Variants in GRM4 observed in about 807,000 individuals in gnomAD.
The protein encoded by GRM4 is metabotropic glutamate receptor 4.
In GRM4, 28 loss-of-function variants were observed where a neutral mutation model predicts 81.7. The ratio of observed to expected loss-of-function variants is 0.34; its 90% CI spans 0.25 to 0.47. The LOEUF (loss-of-function observed/expected upper bound fraction) is 0.47. Ranked by LOEUF, GRM4 falls within the 20% of genes least tolerant of loss-of-function variation. GRM4 has a pLI of 1.00. For missense variants in GRM4, 948 were observed against 1,290.0 expected (o/e 0.73, Z 4.06); for synonymous variants, 488 against 528.8 (o/e 0.92, Z 1.06).
At chr6:34,027,525 C>A (rs1029515413) in intron 10 of GRM4, among the ~76,000 whole-genome samples, 16 of 152,210 alleles carry the variant, frequency 1.1e-4, no homozygotes, top group Admixed American at 7.2e-4. Context: ...CCTCACCCTG[C>A]CCTCACTCAC....
chr6:34,080,857 C>T lies in GRM4; in HGVS notation c.736+11026G>A, dbSNP rs7747709. ...ACACACACACACACATACACACACA[C>T]ATACACATACATATACACACACACA... On this transcript the variant is annotated intron_variant, in intron 3 of 10. Coordinates refer to ENST00000538487, the MANE Select transcript of GRM4 (RefSeq NM_000841.4). This position sits in a 1 kb window ranked among gnomAD's most constrained non-coding sequence, Gnocchi z 5.4. Among the ~76,000 whole-genome samples, 71 of 91,274 alleles carry T rather than the reference C, an allele frequency of 7.8e-4. No individual in the cohort carries two copies. The highest frequency in any genetic ancestry group is 6.5e-3 in the South Asian group (17 of 2,598). 59.9% of individuals were successfully genotyped at this position (91,274 alleles called of 152,430 possible).
chr6:34,154,894 C>A (rs1771116485), intron 1 of GRM4, among the ~76,000 whole-genome samples: 2 of 152,222 alleles, frequency 1.3e-5, no homozygotes, highest in South Asian at 4.1e-4. Flanking sequence ...TAGCGCCCCA[C>A]CAGCCAGGCT....
At position 34,089,386 on chromosome 6, in the gene GRM4, CT is replaced by C. The variant is rs1768080356; in HGVS notation, c.736+2496del. Among the ~76,000 whole-genome samples the C allele has an allele frequency of 6.6e-6, 1 of 151,842 alleles. No individual in the cohort carries two copies. The highest frequency in any genetic ancestry group is 2.1e-4 in the South Asian group (1 of 4,802). The stretch of plus-strand genomic sequence containing the variant: ...CTGAAGTGCAGCTCTCTCTCTCTCT[CT>C]TCCTTTCTTTTCACCCACTAAAAGA... On this transcript the variant is annotated intron_variant, in intron 3 of 10. Coordinates refer to ENST00000538487, the MANE Select transcript of GRM4 (RefSeq NM_000841.4). The surrounding 1 kb of genome is among the most constrained non-coding windows in gnomAD (Gnocchi z 4.3).
chr6:34,029,862 C>T (rs144445356), intron 9 of GRM4, among the ~76,000 whole-genome samples: 1,539 of 152,312 alleles, frequency 0.01, 13 homozygotes, highest in South Asian at 0.016. Context: ...TCCAGGCTGG[C>T]GTGGCCCAGG....
intron 9 of GRM4, among the ~76,000 whole-genome samples, chr6:34,032,412 G>A (rs1764481942): frequency 6.6e-6 from 1 of 152,220 alleles, no homozygotes. Flanking sequence ...TTGCACTGGG[G>A]CATCTTGCAG....
At chr6:34,062,338 C>A in intron 3 of GRM4, 1 of 296,812 alleles carries the variant, frequency 3.4e-6, no homozygotes. Context: ...GGGTTCAAAT[C>A]TCAGCTCTGC....
At chr6:34,040,103 C>G in intron 8 of GRM4, 75 bp downstream of exon 8, 3 of 1,436,708 alleles carry the variant, frequency 2.1e-6, no homozygotes, top group Non-Finnish European at 2.9e-6. Flanking sequence ...CAGCAGCAGC[C>G]TCCCCTTGGG....
Position 34,133,390 on chromosome 6 carries a change from C to T in GRM4, c.107G>A (p.Gly36Asp). The stretch of plus-strand genomic sequence containing the variant: ...GCGGATGGAATTCATGTGAGGGTGG[C>T]CTTTGGGCTTTCCCAGGGAGGAAGG... Reference protein sequence around the residue: ...WMPSSLGKPKGHPHMNSIRID... With the variant: ...WMPSSLGKPKDHPHMNSIRID... Residue 36 changes from glycine (G) to aspartate (D), a missense_variant, in exon 2 of 11, where the codon GGC becomes GAC. Coordinates refer to ENST00000538487, the MANE Select transcript of GRM4 (RefSeq NM_000841.4). The surrounding 1 kb of genome is among the most constrained non-coding windows in gnomAD (Gnocchi z 6.5). 6.2e-7 allele frequency: 1 copy of T among 1,613,744 alleles called. No homozygotes were observed. Among genetic ancestry groups the T allele is most frequent in the Non-Finnish European group, 8.5e-7 (1 of 1,179,908 alleles).
chr6:34,139,866 G>A (rs1025458964), intron 1 of GRM4, among the ~76,000 whole-genome samples: 1 of 152,202 alleles, frequency 6.6e-6, no homozygotes, highest in Admixed American at 6.5e-5. Context: ...GTCCCTCGGT[G>A]TGACATTCAA....
intron 5 of GRM4, 46 bp downstream of exon 5, chr6:34,058,928 G>A (rs775283278): frequency 6.7e-7 from 1 of 1,499,134 alleles, no homozygotes; most frequent in South Asian, 1.1e-5. Flanking sequence ...ATGGCAGGAG[G>A]AGCAGTCCAG....
Position 34,048,605 on chromosome 6 carries a change from A to G in GRM4, c.1169-7857T>C, listed in dbSNP as rs1765465089. On this transcript the variant is annotated intron_variant, in intron 6 of 10. Transcript: ENST00000538487. This position sits in a 1 kb window ranked among gnomAD's most constrained non-coding sequence, Gnocchi z 4.0. ...ATCTAGCTTTCCACCTTACTAGGTGACAAGGTTTGGCTCTGTGTCCCCACC... is the reference window on the plus strand; with the variant it reads ...ATCTAGCTTTCCACCTTACTAGGTGGCAAGGTTTGGCTCTGTGTCCCCACC... Among the ~76,000 whole-genome samples, 1 of 152,132 alleles carries G rather than the reference A, an allele frequency of 6.6e-6. No homozygotes were observed. The highest frequency in any genetic ancestry group is 1.5e-5 in the Non-Finnish European group (1 of 68,012).
At position 34,084,450 on chromosome 6, in the gene GRM4, G is replaced by A. The variant is rs543575478; in HGVS notation, c.736+7433C>T. On this transcript the variant is annotated intron_variant, in intron 3 of 10. Coordinates refer to ENST00000538487, the MANE Select transcript of GRM4 (RefSeq NM_000841.4). ...GCCTGGGGGGGAAAACTCCACCCCC[G>A]CCTGCTCCACCAAGGAGCACAGCTC... Among the ~76,000 whole-genome samples, 6 of 152,118 alleles carry A rather than the reference G, an allele frequency of 3.9e-5. No homozygotes were observed. In the South Asian group the frequency reaches 1.2e-3, roughly 32 times the overall value.
chr6:34,063,582 G>A (rs1014369134), intron 3 of GRM4: 1 of 152,374 alleles, frequency 6.6e-6, no homozygotes, highest in African/African-American at 2.4e-5. Context: ...CAGCTCCTCA[G>A]GTCTCTCCTA....
In GRM4 at chr6:34,036,667, A is replaced by C; in HGVS notation, c.1507-64T>G. The C allele has an allele frequency of 1.1e-6, 1 of 911,686 alleles. No homozygotes were observed. The highest frequency in any genetic ancestry group is 1.7e-6 in the Non-Finnish European group (1 of 599,516). The allele number at this position is 911,686 out of a possible 1,614,324, so 56.5% of individuals were successfully genotyped here. ...GCCACCCGGTGCCCCGGACCATCCTACTGGGTGGTGGCACCTTGTAGCCCC... is the reference window on the plus strand; with the variant it reads ...GCCACCCGGTGCCCCGGACCATCCTCCTGGGTGGTGGCACCTTGTAGCCCC... On this transcript the variant is annotated intron_variant, in intron 8 of 10. Coordinates refer to ENST00000538487, the MANE Select transcript of GRM4 (RefSeq NM_000841.4). This position sits in a 1 kb window ranked among gnomAD's most constrained non-coding sequence, Gnocchi z 9.0.
Position 34,133,186 on chromosome 6 carries a change from C to T in GRM4, c.311G>A (p.Arg104His), listed in dbSNP as rs1006772500. The change falls in exon 2 of 11, where the codon CGC (arginine) becomes CAC (histidine). Residue 104 changes from arginine to histidine, a missense_variant. Coordinates refer to ENST00000538487, the MANE Select transcript of GRM4 (RefSeq NM_000841.4). The surrounding 1 kb of genome is among the most constrained non-coding windows in gnomAD (Gnocchi z 6.5). ...GTCCCTGGAGCAGGTGTCCAGAATG[C>T]GGGCGCCCAGCGTGATGTTAGGCAG... is the stretch of plus-strand genomic sequence containing the variant. ...DLLPNITLGARILDTCSRDTH... is the reference protein window; with the variant it reads ...DLLPNITLGAHILDTCSRDTH... 5.0e-6 allele frequency: 8 copies of T among 1,613,584 alleles called. No homozygotes were observed. The highest frequency in any genetic ancestry group is 4.0e-5 in the African/African-American group (3 of 74,926).
chr6:34,128,379 C>CTTTT (rs547672333), intron 2 of GRM4, among the ~76,000 whole-genome samples: 1 of 132,806 alleles, frequency 7.5e-6, no homozygotes, highest in Non-Finnish European at 1.6e-5. Flanking sequence ...TTTTTCTTTT[C>CTTTT]TTTTTTTTTT....
chr6:34,076,716 C>T (rs1053264070), intron 3 of GRM4, among the ~76,000 whole-genome samples: 1 of 152,122 alleles, frequency 6.6e-6, no homozygotes, highest in African/African-American at 2.4e-5. Context: ...CTCAGGTTGG[C>T]GAAGCTGATG....
At position 34,091,941 on chromosome 6, in the gene GRM4, C is replaced by A. The variant is rs893104954; in HGVS notation, c.678G>T (p.Ser226=). The A allele has an allele frequency of 6.2e-7, 1 of 1,614,150 alleles. No homozygotes were observed. The highest frequency in any genetic ancestry group is 2.2e-5 in the East Asian group (1 of 44,880). ...CACCGCTCTCACCATAGCTGCCCTC[C>A]GAGGCCACTGTGGACACATAGTTCC... ...LKWNYVSTVA[S]EGSYGESGVE... The change falls in exon 3 of 11, where the codon TCG becomes TCT. Residue 226 remains serine, a synonymous_variant. Coordinates refer to ENST00000538487, the MANE Select transcript of GRM4 (RefSeq NM_000841.4).
At chr6:34,054,651 T>C (rs186182712) in intron 6 of GRM4, 1 of 152,316 alleles carries the variant, frequency 6.6e-6, no homozygotes, top group Non-Finnish European at 1.5e-5. Context: ...AAGAGAAGAT[T>C]CCAGAAAGCC....
Sources: gnomAD v4.1 joint callset for allele counts (sites outside exome capture counted in the v4.1 genomes callset) on GRCh38, gnomAD v4.1.1 for gene constraint, Gnocchi (gnomAD v3.1) non-coding constraint, MANE v1.5 for transcripts, NCBI Gene and HGNC (gene_info 2026-07-23, HGNC 2026-07-21) for gene names.